Variants in LPP observed in about 807,000 individuals in gnomAD.
The protein encoded by LPP is LIM domain containing preferred translocation partner in lipoma, also known as lipoma-preferred partner.
A neutral mutation model predicts 60.4 loss-of-function variants in LPP; 38 were observed. The observed-to-expected ratio is 0.63, with a 90% CI of 0.49 to 0.83. The LOEUF (loss-of-function observed/expected upper bound fraction) is 0.83. Among genes scored for constraint, LPP ranks in the 40% least tolerant of loss-of-function variants. LPP has a pLI of 0.00. For missense variants in LPP, 902 were observed against 783.6 expected (o/e 1.15, Z -1.80); for synonymous variants, 328 against 290.8 (o/e 1.13, Z -1.30).
chr3:188,509,348 A>G (rs949814326), intron 5 of LPP, among the ~76,000 whole-genome samples: 1 of 152,166 alleles, frequency 6.6e-6, no homozygotes, highest in South Asian at 2.1e-4. Flanking sequence ...CCCTTATTTC[A>G]TAAGAAGACA....
intron 1 of LPP, among the ~76,000 whole-genome samples, chr3:188,215,450 C>G (rs1713177472): frequency 6.6e-6 from 1 of 152,164 alleles, no homozygotes; most frequent in South Asian, 2.1e-4. Flanking sequence ...TCTCCTCCAG[C>G]CCCTGGCATC....
rs1436495698 is a variant in LPP, at chr3:188,881,485, T to G, written c.*7006T>G. The stretch of plus-strand genomic sequence containing the variant: ...CAGTTCACCATGAGTCAGGCTAGGT[T>G]GAAAGGCTTTCTTTAGGGTTGAAAG... On this transcript the variant is annotated 3_prime_UTR_variant, in exon 12 of 12. Coordinates refer to ENST00000617246, the MANE Select transcript of LPP (RefSeq NM_001375462.1). The G allele has an allele frequency of 4.7e-6, 1 of 211,906 alleles. No individual in the cohort carries two copies. Among genetic ancestry groups the G allele is most frequent in the African/African-American group, 2.3e-5 (1 of 44,234 alleles). 13.1% of individuals were successfully genotyped at this position (211,906 alleles called of 1,614,324 possible).
chr3:188,593,145 TG>T (rs1839256216), intron 6 of LPP, among the ~76,000 whole-genome samples: 1 of 114,536 alleles, frequency 8.7e-6, no homozygotes, highest in African/African-American at 3.2e-5. Context: ...ATTACACCTC[TG>T]ATGCCTGGTG....
At chr3:188,630,051 T>C (rs776878740) in intron 7 of LPP, among the ~76,000 whole-genome samples, 3 of 152,196 alleles carry the variant, frequency 2.0e-5, no homozygotes, top group South Asian at 2.1e-4. Flanking sequence ...CTAGAAATAC[T>C]ATTCTAGGCC....
At chr3:188,864,065 C>T (rs1388601963) in intron 9 of LPP, among the ~76,000 whole-genome samples, 1 of 152,078 alleles carries the variant, frequency 6.6e-6, no homozygotes, top group Non-Finnish European at 1.5e-5. Context: ...AGAAACAGGC[C>T]CTCATTCTTC....
intron 6 of LPP, among the ~76,000 whole-genome samples, chr3:188,605,787 G>C: frequency 6.6e-6 from 1 of 152,172 alleles, no homozygotes; most frequent in Non-Finnish European, 1.5e-5. Context: ...ATTTGATGCA[G>C]ATAGATAGCT....
At chr3:188,786,367 C>T (rs940536454) in intron 9 of LPP, among the ~76,000 whole-genome samples, 2 of 115,900 alleles carry the variant, frequency 1.7e-5, no homozygotes, top group African/African-American at 3.4e-5. Flanking sequence ...TGGGCAACAG[C>T]GTGAGACTCC....
intron 5 of LPP, among the ~76,000 whole-genome samples, chr3:188,517,771 G>T (rs1167952694): frequency 6.6e-6 from 1 of 152,024 alleles, no homozygotes; most frequent in Non-Finnish European, 1.5e-5. Flanking sequence ...GGAGGAAACT[G>T]CCCCCAAGAT....
In LPP at chr3:188,572,282, G is replaced by A. The variant is rs989728452; in HGVS notation, c.430-36879G>A. The stretch of plus-strand genomic sequence containing the variant: ...ACAAACATGTAATATATATTCTAAC[G>A]ACAAAGCCCTATGTTATAATTTAAA... On this transcript the variant is annotated intron_variant, in intron 6 of 11. Transcript: ENST00000617246. This position sits in a 1 kb window ranked among gnomAD's most constrained non-coding sequence, Gnocchi z 4.1. Among the ~76,000 whole-genome samples the A allele has an allele frequency of 6.6e-6, 1 of 151,910 alleles. No homozygotes were observed. Among genetic ancestry groups the A allele is most frequent in the Non-Finnish European group, 1.5e-5 (1 of 67,984 alleles).
chr3:188,365,246 A>G (rs1770778926), intron 3 of LPP, among the ~76,000 whole-genome samples: 1 of 152,120 alleles, frequency 6.6e-6, no homozygotes, highest in Non-Finnish European at 1.5e-5. Flanking sequence ...GGTTTCAGCA[A>G]GAGAGTATTT....
At chr3:188,701,357 C>T (rs1462778870) in intron 7 of LPP, among the ~76,000 whole-genome samples, 2 of 151,174 alleles carry the variant, frequency 1.3e-5, no homozygotes, top group African/African-American at 4.9e-5. Context: ...AAAGAAGAAC[C>T]AGTTTTAGAT....
At chr3:188,244,245 C>T (rs1214740818) in intron 2 of LPP, among the ~76,000 whole-genome samples, 1 of 152,216 alleles carries the variant, frequency 6.6e-6, no homozygotes, top group African/African-American at 2.4e-5. Context: ...TTCCTCAAGA[C>T]AACAGTAACA....
chr3:188,350,880 G>C (rs980562677), intron 3 of LPP, among the ~76,000 whole-genome samples: 2 of 152,092 alleles, frequency 1.3e-5, no homozygotes, highest in South Asian at 4.1e-4. Context: ...CACCACAGAG[G>C]GCCAGCTCTT....
chr3:188,667,600 G>C (rs1856079156), intron 7 of LPP, among the ~76,000 whole-genome samples: 1 of 151,038 alleles, frequency 6.6e-6, no homozygotes, highest in Admixed American at 6.6e-5. Flanking sequence ...CTGTGGCTTA[G>C]AAATGCTATG....
At chr3:188,608,256 A>G (rs1560630405) in intron 6 of LPP, among the ~76,000 whole-genome samples, 1 of 152,182 alleles carries the variant, frequency 6.6e-6, no homozygotes, top group East Asian at 1.9e-4. Context: ...ATTCTTCATG[A>G]CCAATTGTCA....
intron 2 of LPP, among the ~76,000 whole-genome samples, chr3:188,297,229 A>C (rs982638914): frequency 4.1e-4 from 62 of 152,316 alleles, no homozygotes; most frequent in Admixed American, 1.2e-3. Context: ...ATCTTGTGTA[A>C]CACTGCCAAG....
chr3:188,214,641 A>C (rs895967252), intron 1 of LPP, among the ~76,000 whole-genome samples: 28 of 152,318 alleles, frequency 1.8e-4, no homozygotes, highest in African/African-American at 6.5e-4. Flanking sequence ...GAAGTTGCAC[A>C]GGACTCCCAG....
At chr3:188,776,634 A>T (rs1304315287) in intron 9 of LPP, among the ~76,000 whole-genome samples, 1 of 152,224 alleles carries the variant, frequency 6.6e-6, no homozygotes, top group Non-Finnish European at 1.5e-5. Flanking sequence ...CAGCCAATGG[A>T]AAAGCCGTGT....
intron 2 of LPP, among the ~76,000 whole-genome samples, chr3:188,323,849 A>G (rs1425106722): frequency 6.6e-6 from 1 of 152,168 alleles, no homozygotes; most frequent in Admixed American, 6.5e-5. Flanking sequence ...GAGGTCATAG[A>G]TTTTAGGGTT....
Sources: gnomAD v4.1 joint callset for allele counts (sites outside exome capture counted in the v4.1 genomes callset) on GRCh38, gnomAD v4.1.1 for gene constraint, Gnocchi (gnomAD v3.1) non-coding constraint, MANE v1.5 for transcripts, NCBI Gene and HGNC (gene_info 2026-07-23, HGNC 2026-07-21) for gene names.